ERICH1: variants seen among roughly 807,000 people sequenced by gnomAD.
ERICH1 encodes glutamate-rich protein 1.
ERICH1 carries 56 observed loss-of-function variants against 39.6 expected under a neutral mutation model. The ratio of observed to expected loss-of-function variants is 1.41; its 90% confidence interval spans 1.14 to 1.77. The LOEUF (loss-of-function observed/expected upper bound fraction) is 1.77, where lower values mean the gene tolerates loss of function less well. Ranked by LOEUF, ERICH1 falls within the 40% of genes most tolerant of loss-of-function variation. ERICH1 has a pLI of 0.00. For missense variants in ERICH1, 826 were observed against 575.4 expected (o/e 1.44, Z -4.45); for synonymous variants, 313 against 223.6 (o/e 1.40, Z -3.57).
intron 3 of ERICH1, among the ~76,000 whole-genome samples, chr8:638,373 C>T (rs770271617): frequency 6.6e-6 from 1 of 152,178 alleles, no homozygotes; most frequent in Non-Finnish European, 1.5e-5. Flanking sequence ...CCATGTTCTT[C>T]GGAGAGGAGG....
At chr8:629,226 A>T (rs568248931) in intron 3 of ERICH1, among the ~76,000 whole-genome samples, 8 of 152,260 alleles carry the variant, frequency 5.3e-5, no homozygotes, top group African/African-American at 1.7e-4. Flanking sequence ...GGCAACAAAA[A>T]TGGCCAACAG....
At position 673,570 on chromosome 8, in the gene ERICH1, G is replaced by A. The variant is rs772215370; in HGVS notation, c.782C>T (p.Ala261Val). 1 of 1,550,852 alleles carries A rather than the reference G, an allele frequency of 6.4e-7. No homozygotes were observed. The highest frequency in any genetic ancestry group is 1.2e-5 in the South Asian group (1 of 86,762). The change falls in exon 4 of 6, where the codon GCC becomes GTC. Residue 261 changes from alanine (A) to valine (V), a missense_variant. Physicochemically the swap from Ala to Val is moderately conservative, Grantham distance 64. Coordinates refer to ENST00000262109, the MANE Select transcript of ERICH1 (RefSeq NM_207332.3). ...GGCGTCTTTAACGTCTTCCTCCCCGGCCGGTGTCGGATCTTCCTCACTGGC... is the reference window on the plus strand; with the variant it reads ...GGCGTCTTTAACGTCTTCCTCCCCGACCGGTGTCGGATCTTCCTCACTGGC... ...ADASEEDPTPAGEEDVKDARE... is the reference protein window; with the variant it reads ...ADASEEDPTPVGEEDVKDARE...
At chr8:706,273 G>T (rs1303917887) in intron 2 of ERICH1, among the ~76,000 whole-genome samples, 1 of 152,164 alleles carries the variant, frequency 6.6e-6, no homozygotes, top group African/African-American at 2.4e-5. Context: ...TAATAAACTA[G>T]TTAGGCAAAA....
At chr8:710,946 A>G (rs1585576607) in intron 2 of ERICH1, among the ~76,000 whole-genome samples, 1 of 152,122 alleles carries the variant, frequency 6.6e-6, no homozygotes, top group African/African-American at 2.4e-5. Context: ...AAACTACCAA[A>G]CTGTCTTCCA....
intron 3 of ERICH1, among the ~76,000 whole-genome samples, chr8:633,679 G>T (rs941089322): frequency 6.6e-6 from 1 of 152,200 alleles, no homozygotes; most frequent in African/African-American, 2.4e-5. Flanking sequence ...CTGATATAAA[G>T]GTGGTGTATG....
chr8:715,171 C>A (rs1016349002), intron 2 of ERICH1, among the ~76,000 whole-genome samples: 2 of 151,346 alleles, frequency 1.3e-5, no homozygotes, highest in East Asian at 2.0e-4. Flanking sequence ...GGCCTCTTCC[C>A]GCATCTCTCA....
chr8:616,372 G>A (rs867211038), intron 3 of ERICH1: 5 of 353,580 alleles, frequency 1.4e-5, no homozygotes, highest in East Asian at 7.9e-5. Flanking sequence ...AGGTGTGGGC[G>A]GCCGCCGTCC....
At position 648,436 on chromosome 8, in the gene ERICH1, C is replaced by T. The variant is rs1379014975; in HGVS notation, c.976+20162G>A. Among the ~76,000 whole-genome samples, 2 of 55,384 alleles carry T rather than the reference C, an allele frequency of 3.6e-5. 1 individual carries two copies. Among genetic ancestry groups the T allele is most frequent in the East Asian group, 7.5e-4 (2 of 2,684 alleles). 36.3% of individuals were successfully genotyped at this position (55,384 alleles called of 152,430 possible). On this transcript the variant is annotated intron_variant, in intron 3 of 3. Transcript: ENST00000522706. The stretch of plus-strand genomic sequence containing the variant: ...GGACCTGTGAGGCTGATGACACAGT[C>T]GTGTCCCAAACTGGACACAAATCAC...
chr8:702,716 T>C (rs1199019309), intron 2 of ERICH1, among the ~76,000 whole-genome samples: 1 of 152,156 alleles, frequency 6.6e-6, no homozygotes, highest in Non-Finnish European at 1.5e-5. Context: ...GCATGTTGTG[T>C]GGGAGCGACA....
intron 3 of ERICH1, among the ~76,000 whole-genome samples, chr8:648,095 G>T (rs1799566951): frequency 1.5e-5 from 1 of 67,158 alleles, no homozygotes; most frequent in Non-Finnish European, 4.5e-5. Context: ...ACAGCAAAAT[G>T]TGTGCGCAAC....
chr8:709,459 C>A (rs905566209), intron 2 of ERICH1, among the ~76,000 whole-genome samples: 1 of 152,240 alleles, frequency 6.6e-6, no homozygotes, highest in Non-Finnish European at 1.5e-5. Context: ...CACCTGGACA[C>A]GGCTCCAACT....
intron 3 of ERICH1, among the ~76,000 whole-genome samples, chr8:629,363 CAG>C (rs200196928): frequency 6.7e-6 from 1 of 150,314 alleles, no homozygotes; most frequent in African/African-American, 2.5e-5. Flanking sequence ...CCCACACACA[CAG>C]AGCTGACTCA....
chr8:626,520 G>T (rs1396236730), intron 3 of ERICH1: 1 of 154,164 alleles, frequency 6.5e-6, no homozygotes, highest in Admixed American at 6.3e-5. Context: ...CAGGTACAAA[G>T]GTGAGCACCA....
Position 728,686 on chromosome 8 carries a change from T to C in ERICH1, c.22+2454A>G, listed in dbSNP as rs182431107. ...CCTCTTCAATTAGGAGAGCAGTTCA[T>C]GGTCGGAGCTGCACAGCACCTCTCA... On this transcript the variant is annotated intron_variant, in intron 1 of 5. Transcript: ENST00000262109. Among the ~76,000 whole-genome samples the C allele has an allele frequency of 2.0e-5, 3 of 152,326 alleles. No homozygotes were observed. The East Asian group carries it at 5.8e-4, about 29-fold the overall frequency.
chr8:687,785 G>A (rs1454739295), intron 3 of ERICH1, among the ~76,000 whole-genome samples: 2 of 152,154 alleles, frequency 1.3e-5, no homozygotes, highest in African/African-American at 2.4e-5. Flanking sequence ...GCCGTAGTAG[G>A]TGGAATACGG....
chr8:725,268 T>C (rs761091476), intron 1 of ERICH1: 15 of 164,302 alleles, frequency 9.1e-5, no homozygotes, highest in Admixed American at 5.2e-4. Context: ...AAGGGTCCCC[T>C]ACCTCCGTGT....
At chr8:624,657 G>A (rs1356113176) in intron 3 of ERICH1, among the ~76,000 whole-genome samples, 1 of 152,072 alleles carries the variant, frequency 6.6e-6, no homozygotes, top group African/African-American at 2.4e-5. Flanking sequence ...CGTCTTGCAT[G>A]GCTGGAGCAG....
chr8:674,899 T>C (rs1368681116), intron 3 of ERICH1, among the ~76,000 whole-genome samples: 2 of 152,338 alleles, frequency 1.3e-5, no homozygotes, highest in South Asian at 2.1e-4. Context: ...GGAAAAGTCC[T>C]GAGTCCTCCA....
chr8:670,947 C>A (rs1803176322), intron 4 of ERICH1, among the ~76,000 whole-genome samples: 1 of 150,736 alleles, frequency 6.6e-6, no homozygotes, highest in African/African-American at 2.4e-5. Flanking sequence ...CCCCAGGCTC[C>A]AACCTCTGCA....
Sources: allele counts gnomAD v4.1 joint callset (sites outside exome capture counted in the v4.1 genomes callset), GRCh38; gene constraint gnomAD v4.1.1; transcripts MANE v1.5; gene names NCBI Gene and HGNC (gene_info 2026-07-23, HGNC 2026-07-21).